TLCD4: variants seen among roughly 807,000 people sequenced by gnomAD.
TLCD4 encodes the protein TLC domain containing 4, also known as TLC domain-containing protein 4.
Under a neutral mutation model 24.2 loss-of-function variants are expected in TLCD4, and 7 were observed. That is an observed-to-expected ratio of 0.29 (90% CI 0.16 to 0.54). The LOEUF (loss-of-function observed/expected upper bound fraction) is 0.54, where lower values mean the gene tolerates loss of function less well. TLCD4 is among the 20% of genes least tolerant of loss of function. The probability of loss-of-function intolerance (pLI) is 0.95; values close to 1 mark genes in which losing one functional copy is unlikely to be tolerated. For synonymous variants in TLCD4, 103 were observed against 106.4 expected, an observed-to-expected ratio of 0.97 and a Z score of 0.20; for missense variants, 259 against 313.9, an observed-to-expected ratio of 0.82 and a Z score of 1.32.
At chr1:95,104,195 G>A in the TLCD4 span, among the ~76,000 whole-genome samples, 1 of 152,174 alleles carries the variant, frequency 6.6e-6, no homozygotes, top group Non-Finnish European at 1.5e-5. Flanking sequence ...CTCAGCCACA[G>A]AACTTTGAGC....
chr1:95,116,944 G>C (rs921811944), upstream of TLCD4, among the ~76,000 whole-genome samples: 3 of 152,242 alleles, frequency 2.0e-5, no homozygotes, highest in African/African-American at 7.2e-5. Context: ...GACGTGGCAA[G>C]AAAAACCAGC....
At chr1:95,156,154 C>T (rs1035816163) in intron 5 of TLCD4, among the ~76,000 whole-genome samples, 7 of 150,512 alleles carry the variant, frequency 4.7e-5, no homozygotes, top group Non-Finnish European at 1.0e-4. Context: ...ATAAGTTTTA[C>T]ATAAATGTTC....
chr1:95,149,563 G>A (rs1677437562), intron 3 of TLCD4, among the ~76,000 whole-genome samples: 1 of 152,078 alleles, frequency 6.6e-6, no homozygotes, highest in Non-Finnish European at 1.5e-5. Context: ...AATAATATCA[G>A]TATTGATACA....
chr1:95,176,905 C>T (rs1043756641), intron 6 of TLCD4, among the ~76,000 whole-genome samples: 1 of 152,150 alleles, frequency 6.6e-6, no homozygotes, highest in Non-Finnish European at 1.5e-5. Flanking sequence ...ATCTTTTCCC[C>T]ATTGTGTAGT....
intron 6 of TLCD4, among the ~76,000 whole-genome samples, chr1:95,178,222 CAG>C (rs1169136889): frequency 6.6e-6 from 1 of 151,892 alleles, no homozygotes; most frequent in African/African-American, 2.4e-5. Flanking sequence ...GCTAGGATTA[CAG>C]GTGTGAGCCA....
chr1:95,172,297 T>C (rs1351355605), intron 5 of TLCD4, among the ~76,000 whole-genome samples: 1 of 152,224 alleles, frequency 6.6e-6, no homozygotes, highest in African/African-American at 2.4e-5. Flanking sequence ...CACATCTAAA[T>C]TAATCTGCAC....
In TLCD4 at chr1:95,143,986, T is replaced by C; in HGVS notation, c.85T>C (p.Trp29Arg). 1.3e-6 allele frequency: 2 copies of C among 1,576,170 alleles called. No homozygotes were observed. Among genetic ancestry groups the C allele is most frequent in the Non-Finnish European group, 1.7e-6 (2 of 1,162,072 alleles). ...GCTTCTTTTCTACTTTGTAAGTTAC[T>C]GGTTTTCAGCAAAAGTTTCTCCAGG... is the stretch of plus-strand genomic sequence containing the variant. ...FQLLFYFVSY[W>R]FSAKVSPGFN... The change falls in exon 2 of 7, where the codon TGG (tryptophan) becomes CGG (arginine). Residue 29 changes from tryptophan to arginine, a missense_variant. By Grantham distance (101) the Trp-to-Arg change is moderately radical. Transcript: ENST00000370203.
At chr1:95,147,120 CT>C (rs1341173744) in intron 2 of TLCD4, among the ~76,000 whole-genome samples, 1 of 149,474 alleles carries the variant, frequency 6.7e-6, no homozygotes, top group African/African-American at 2.5e-5. Flanking sequence ...GTTGCCCAGG[CT>C]GGAGTACAGT....
At chr1:95,103,024 G>A in the TLCD4 span, among the ~76,000 whole-genome samples, 1 of 152,118 alleles carries the variant, frequency 6.6e-6, no homozygotes, top group African/African-American at 2.4e-5. Flanking sequence ...CGTTGCCCAG[G>A]CTGGAGTGCA....
intron 6 of TLCD4, among the ~76,000 whole-genome samples, chr1:95,185,737 A>G (rs1262356545): frequency 2.0e-5 from 3 of 152,252 alleles, no homozygotes; most frequent in South Asian, 4.1e-4. Context: ...AATATAGTAT[A>G]TAATGCAAAT....
the TLCD4 span, among the ~76,000 whole-genome samples, chr1:95,099,234 C>G: frequency 1.3e-5 from 2 of 150,548 alleles, no homozygotes; most frequent in Non-Finnish European, 3.0e-5. Flanking sequence ...TCAAGACCAG[C>G]CTGGGCGACA....
intron 2 of TLCD4, among the ~76,000 whole-genome samples, chr1:95,144,350 A>G (rs529812043): frequency 1.3e-5 from 2 of 152,326 alleles, no homozygotes; most frequent in African/African-American, 4.8e-5. Flanking sequence ...CTTCTTTGAA[A>G]TATTTATAAC....
intron 2 of TLCD4, among the ~76,000 whole-genome samples, chr1:95,146,246 G>A (rs1247247469): frequency 6.6e-6 from 1 of 151,982 alleles, no homozygotes; most frequent in Non-Finnish European, 1.5e-5. Context: ...TTGTTGTACT[G>A]AATTGTTACT....
the TLCD4 span, among the ~76,000 whole-genome samples, chr1:95,095,370 T>C: frequency 6.6e-6 from 1 of 152,156 alleles, no homozygotes; most frequent in Non-Finnish European, 1.5e-5. Flanking sequence ...TCTCGGCACA[T>C]TACTTAACCT....
intron 5 of TLCD4, chr1:95,163,083 A>G (rs1428925240): frequency 6.6e-6 from 1 of 152,210 alleles, no homozygotes; most frequent in East Asian, 1.9e-4. Flanking sequence ...CCTGGATAAT[A>G]CCCTGAAGAG....
At chr1:95,119,049 CT>C (rs1425250037) in intron 1 of TLCD4, among the ~76,000 whole-genome samples, 2 of 152,180 alleles carry the variant, frequency 1.3e-5, no homozygotes, top group East Asian at 1.9e-4. Context: ...CTGGATGCCT[CT>C]GACCCAGCTG....
Position 95,195,669 on chromosome 1 carries a change from C to T in TLCD4, c.*3801C>T, listed in dbSNP as rs1679180863. On this transcript the variant is annotated 3_prime_UTR_variant, in exon 7 of 7. Coordinates refer to ENST00000370203, the MANE Select transcript of TLCD4 (RefSeq NM_152487.3). Reference sequence around the variant, plus strand: ...GTGTCTCTGGATGCACATATATCTTCCCAACCTTAAACACAGCTCATTGAA... The same window carrying T: ...GTGTCTCTGGATGCACATATATCTTTCCAACCTTAAACACAGCTCATTGAA... 6.6e-6 allele frequency: 1 copy of T among 152,146 alleles called. No individual in the cohort carries two copies. The highest frequency in any genetic ancestry group is 2.4e-5 in the African/African-American group (1 of 41,436). The allele number at this position is 152,146 out of a possible 1,614,324, so 9.4% of individuals were successfully genotyped here. A position where few individuals can be genotyped will look rare whatever the true frequency, so the allele number is the denominator to read the frequency against.
intron 1 of TLCD4, among the ~76,000 whole-genome samples, chr1:95,131,185 A>T (rs755603785): frequency 6.6e-6 from 1 of 152,326 alleles, no homozygotes; most frequent in African/African-American, 2.4e-5. Flanking sequence ...TGAGAAGGAA[A>T]TGTCTGTTTA....
chr1:95,166,094 T>A (rs1678010255), intron 5 of TLCD4, among the ~76,000 whole-genome samples: 1 of 152,186 alleles, frequency 6.6e-6, no homozygotes, highest in African/African-American at 2.4e-5. Context: ...CAGGTGGAAA[T>A]CTGAGAGAGC....
Sources: gnomAD v4.1 joint callset for allele counts (sites outside exome capture counted in the v4.1 genomes callset) on GRCh38, gnomAD v4.1.1 for gene constraint, MANE v1.5 for transcripts, NCBI Gene and HGNC (gene_info 2026-07-23, HGNC 2026-07-21) for gene names.